ZNF516: variants seen among roughly 807,000 people sequenced by gnomAD.
The protein encoded by ZNF516 is zinc finger protein 516.
In ZNF516, 19 loss-of-function variants were observed where a neutral mutation model predicts 79.7. The observed-to-expected ratio is 0.24, with a 90% CI of 0.17 to 0.35. ZNF516 has a LOEUF of 0.35. Ranked by LOEUF, ZNF516 falls within the 10% of genes least tolerant of loss-of-function variation. The pLI is 1.00. For synonymous variants in ZNF516, 877 were observed against 739.5 expected (o/e 1.19, Z -3.02); for missense variants, 1,678 against 1,679.5 (o/e 1.00, Z 0.02).
intron 2 of ZNF516, among the ~76,000 whole-genome samples, chr18:76,455,722 C>T (rs187235890): frequency 2.6e-5 from 4 of 152,320 alleles, no homozygotes; most frequent in East Asian, 3.9e-4. Flanking sequence ...TCAACAGGCA[C>T]GTGAGATGCG....
intron 1 of ZNF516, among the ~76,000 whole-genome samples, chr18:76,468,560 G>A (rs1913636520): frequency 6.6e-6 from 1 of 151,868 alleles, no homozygotes; most frequent in African/African-American, 2.4e-5. Flanking sequence ...GGGACTACAG[G>A]TGTGCACCAC....
intron 3 of ZNF516, among the ~76,000 whole-genome samples, chr18:76,408,172 GA>G (rs915953264): frequency 6.6e-6 from 1 of 152,218 alleles, no homozygotes; most frequent in African/African-American, 2.4e-5. Flanking sequence ...GCCTTGGAGG[GA>G]CAGAACTGGC....
chr18:76,431,603 C>G (rs748046310), intron 3 of ZNF516, among the ~76,000 whole-genome samples: 11 of 152,214 alleles, frequency 7.2e-5, no homozygotes, highest in South Asian at 2.1e-4. Flanking sequence ...GGGTCCCTTA[C>G]GAATGGCTTG....
intron 2 of ZNF516, among the ~76,000 whole-genome samples, chr18:76,444,668 T>A (rs975063949): frequency 1.5e-4 from 23 of 152,074 alleles, no homozygotes; most frequent in African/African-American, 5.6e-4. Flanking sequence ...AAAAGAATAC[T>A]GATAATAGAC....
intron 1 of ZNF516, among the ~76,000 whole-genome samples, chr18:76,480,517 A>C (rs1914454859): frequency 1.3e-5 from 1 of 77,354 alleles, no homozygotes; most frequent in South Asian, 5.5e-4. Context: ...ACACACACAC[A>C]CACACACATA....
intron 2 of ZNF516, among the ~76,000 whole-genome samples, chr18:76,453,517 C>T (rs77468269): frequency 0.018 from 2,679 of 152,296 alleles, 38 homozygotes; most frequent in African/African-American, 0.037. Flanking sequence ...CTCAGAAACA[C>T]TGAAAACCTA....
intron 3 of ZNF516, among the ~76,000 whole-genome samples, chr18:76,419,008 C>G (rs932096815): frequency 3.9e-5 from 6 of 152,166 alleles, no homozygotes; most frequent in Non-Finnish European, 5.9e-5. Context: ...GGGGCTGGAC[C>G]CTGACAGGAT....
chr18:76,422,749 T>C (rs2075524207), intron 3 of ZNF516, among the ~76,000 whole-genome samples: 1 of 151,954 alleles, frequency 6.6e-6, no homozygotes, highest in South Asian at 2.1e-4. Flanking sequence ...ATGAATTCCA[T>C]ATATCTGGAG....
Position 76,379,893 on chromosome 18 carries a change from G to A in ZNF516, c.2221C>T (p.Arg741Trp), listed in dbSNP as rs117821911. Residue 741 changes from arginine to tryptophan, a missense_variant, in exon 4 of 7, where the codon CGG becomes TGG. Arg to Trp is a moderately radical substitution (Grantham distance 101). Coordinates refer to ENST00000443185, the MANE Select transcript of ZNF516 (RefSeq NM_014643.4). ...MPLDLSARST[R>W]DDPSNKETAS... ...GTCTCCTTATTGCTGGGGTCATCCC[G>A]CGTCGACCTCGCACTTAAATCTAGC... 3.1e-6 allele frequency: 5 copies of A among 1,613,946 alleles called. No homozygotes were observed. The highest frequency in any genetic ancestry group is 2.2e-5 in the East Asian group (1 of 44,848).
At chr18:76,406,882 AC>A (rs2075311077) in intron 3 of ZNF516, among the ~76,000 whole-genome samples, 2 of 152,062 alleles carry the variant, frequency 1.3e-5, no homozygotes, top group Admixed American at 6.5e-5. Context: ...AGAGTGGGAG[AC>A]AGCAGCCGAG....
In ZNF516 at chr18:76,458,790, TCGTG is replaced by T. The variant is rs147763910; in HGVS notation, c.-158+4234_-158+4237del. Among the ~76,000 whole-genome samples the T allele has an allele frequency of 2.2e-4, 32 of 143,674 alleles. 1 individual carries two copies. Among genetic ancestry groups the T allele is most frequent in the African/African-American group, 8.2e-4 (31 of 37,592 alleles). The allele number at this position is 143,674 out of a possible 152,430, so 94.3% of individuals were successfully genotyped here. On this transcript the variant is annotated intron_variant, in intron 2 of 6. Coordinates refer to ENST00000443185, the MANE Select transcript of ZNF516 (RefSeq NM_014643.4). Reference sequence around the variant, plus strand: ...TGTGCCTCGTGTGCGTGCCTCACCGTCGTGCGTGTGCGTGCCTCACCGTCGTGCG... The same window carrying T: ...TGTGCCTCGTGTGCGTGCCTCACCGTCGTGTGCGTGCCTCACCGTCGTGCG...
At chr18:76,368,117 AG>A (rs1484659067) in intron 6 of ZNF516, among the ~76,000 whole-genome samples, 1 of 152,228 alleles carries the variant, frequency 6.6e-6, no homozygotes, top group Non-Finnish European at 1.5e-5. Context: ...ACATAACTAC[AG>A]AATGTTTTCT....
intron 3 of ZNF516, among the ~76,000 whole-genome samples, chr18:76,418,529 G>A (rs973563201): frequency 1.6e-4 from 24 of 151,098 alleles, no homozygotes; most frequent in East Asian, 7.8e-4. Flanking sequence ...ACTATAACAC[G>A]CACTGTAACA....
At chr18:76,425,780 C>A (rs1184489495) in intron 3 of ZNF516, among the ~76,000 whole-genome samples, 1 of 152,136 alleles carries the variant, frequency 6.6e-6, no homozygotes, top group South Asian at 2.1e-4. Flanking sequence ...TGGACCCATG[C>A]GGCACTCAAG....
At chr18:76,426,356 C>T (rs754840296) in intron 3 of ZNF516, among the ~76,000 whole-genome samples, 15 of 152,144 alleles carry the variant, frequency 9.9e-5, no homozygotes, top group Non-Finnish European at 1.8e-4. Flanking sequence ...CCAACAAGAC[C>T]AGACATTTCC....
chr18:76,395,285 G>A (rs753952007), intron 3 of ZNF516, among the ~76,000 whole-genome samples: 15 of 152,178 alleles, frequency 9.9e-5, no homozygotes, highest in Non-Finnish European at 1.5e-4. Flanking sequence ...CGTCCTAAAC[G>A]AGCATCTCCC....
chr18:76,494,942 G>T (rs186486666), intron 1 of ZNF516, among the ~76,000 whole-genome samples: 18 of 147,834 alleles, frequency 1.2e-4, no homozygotes, highest in Middle Eastern at 7.0e-3. Flanking sequence ...TTGACGAGCA[G>T]AGCAACTACC....
chr18:76,479,126 A>C (rs1199965466), intron 1 of ZNF516, among the ~76,000 whole-genome samples: 1 of 152,104 alleles, frequency 6.6e-6, no homozygotes, highest in Non-Finnish European at 1.5e-5. Context: ...TGGAACAATC[A>C]TCATCAGGAT....
chr18:76,491,695 T>TGGCCC, intron 1 of ZNF516: 2 of 130,944 alleles, frequency 1.5e-5, no homozygotes, highest in Non-Finnish European at 2.9e-5. Context: ...GGCAGGTGAG[T>TGGCCC]CCCCCCCCGA....
Sources: allele counts gnomAD v4.1 joint callset (sites outside exome capture counted in the v4.1 genomes callset), GRCh38; gene constraint gnomAD v4.1.1; transcripts MANE v1.5; gene names NCBI Gene and HGNC (gene_info 2026-07-23, HGNC 2026-07-21).